Variants in LRRK2 observed in about 807,000 individuals in gnomAD.
LRRK2 encodes leucine-rich repeat serine/threonine-protein kinase 2.
A neutral mutation model predicts 302.6 loss-of-function variants in LRRK2; 203 were observed. The ratio of observed to expected loss-of-function variants is 0.67; its 90% CI spans 0.60 to 0.75. The LOEUF is 0.75. LRRK2 is among the 30% of genes least tolerant of loss of function. The pLI, the probability that LRRK2 is intolerant of heterozygous loss-of-function variation, is 0.00. For synonymous variants in LRRK2, 1,066 were observed against 1,031.9 expected (o/e 1.03, Z -0.63); for missense variants, 2,830 against 2,951.0 (o/e 0.96, Z 0.95).
chr12:40,335,931 C>T (rs1304704877), intron 40 of LRRK2, among the ~76,000 whole-genome samples: 1 of 152,170 alleles, frequency 6.6e-6, no homozygotes, highest in African/African-American at 2.4e-5. Flanking sequence ...CTTTTCAGCT[C>T]TGCCACCAAA....
intron 42 of LRRK2, among the ~76,000 whole-genome samples, chr12:40,347,615 A>G (rs1946230608): frequency 6.6e-6 from 1 of 152,312 alleles, no homozygotes; most frequent in South Asian, 2.1e-4. Flanking sequence ...AATTGGATAA[A>G]CCTTAGATAT....
At chr12:40,299,070 T>C (rs775001556) in intron 24 of LRRK2, 39 bp from the exon 25 acceptor site, 1 of 1,600,546 alleles carries the variant, frequency 6.2e-7, no homozygotes, top group Admixed American at 1.7e-5. Context: ...AGCATATGAA[T>C]TTATGCAATT....
chr12:40,259,373 C>A (rs1942669036), intron 12 of LRRK2, 107 bp from the exon 13 acceptor site: 2 of 1,376,106 alleles, frequency 1.5e-6, no homozygotes, highest in African/African-American at 1.4e-5. Flanking sequence ...TATAGTCTTT[C>A]CTGATAAAAT....
chr12:40,304,041 C>T lies in LRRK2; in HGVS notation c.3684C>T (p.Ser1228=), dbSNP rs1387101274. 2.5e-6 allele frequency: 4 copies of T among 1,613,478 alleles called. No individual in the cohort carries two copies. The highest frequency in any genetic ancestry group is 1.3e-5 in the African/African-American group (1 of 74,872). ...TGAACTTAAGGGAACTCTTATTTAGCCATAATCAGATCAGCATCTTGGACT... is the reference window on the plus strand; with the variant it reads ...TGAACTTAAGGGAACTCTTATTTAGTCATAATCAGATCAGCATCTTGGACT... ...KSLNLRELLF[S]HNQISILDLS... is the part of the protein sequence containing the mutation. The change falls in exon 27 of 51, where the codon AGC becomes AGT. Residue 1228 remains serine (S), a synonymous_variant. Coordinates refer to ENST00000298910, the MANE Select transcript of LRRK2 (RefSeq NM_198578.4).
chr12:40,364,378 A>G (rs971482071), intron 48 of LRRK2, among the ~76,000 whole-genome samples: 4 of 151,912 alleles, frequency 2.6e-5, no homozygotes, highest in Non-Finnish European at 5.9e-5. Flanking sequence ...TGGACACTTC[A>G]TTTTTGTCAT....
At chr12:40,259,371 T>C (rs772479221) in intron 12 of LRRK2, 109 bp from the exon 13 acceptor site, 223 of 1,368,162 alleles carry the variant, frequency 1.6e-4, no homozygotes, top group Admixed American at 1.5e-3. Context: ...CATATAGTCT[T>C]TCCTGATAAA....
At position 40,232,380 on chromosome 12, in the gene LRRK2, A is replaced by G; in HGVS notation, c.344A>G (p.His115Arg). The change falls in exon 3 of 51, where the codon CAC becomes CGC. Residue 115 changes from histidine (H) to arginine (R), a missense_variant. By Grantham distance (29) the His-to-Arg change is conservative. Around this residue, in one of 3 missense-constraint regions of LRRK2, gnomAD observed 2,121 missense variants for 2,148.0 expected, o/e 0.99. Coordinates refer to ENST00000298910, the MANE Select transcript of LRRK2 (RefSeq NM_198578.4). ...AATGATTGGGAAGTCCTTGGTGTTC[A>G]CCAGTAAGTATGATAGATATGTAAA... ...VGNDWEVLGVHQLILKMLTVH... is the reference protein window; with the variant it reads ...VGNDWEVLGVRQLILKMLTVH... The G allele has an allele frequency of 1.2e-6, 2 of 1,608,706 alleles. No individual in the cohort carries two copies. The highest frequency in any genetic ancestry group is 2.2e-5 in the East Asian group (1 of 44,842).
intron 20 of LRRK2, among the ~76,000 whole-genome samples, chr12:40,291,789 T>C (rs1429604605): frequency 6.6e-6 from 1 of 152,062 alleles, no homozygotes; most frequent in Non-Finnish European, 1.5e-5. Flanking sequence ...TTATTGTATT[T>C]GATAGAGAAA....
intron 7 of LRRK2, among the ~76,000 whole-genome samples, chr12:40,246,299 A>G (rs1592153846): frequency 6.6e-6 from 1 of 152,014 alleles, no homozygotes; most frequent in Admixed American, 6.6e-5. Flanking sequence ...AAATACATCT[A>G]CAGGTTTTCT....
intron 14 of LRRK2, among the ~76,000 whole-genome samples, chr12:40,268,382 T>C (rs1438873721): frequency 6.6e-6 from 1 of 152,142 alleles, no homozygotes; most frequent in African/African-American, 2.4e-5. Context: ...TGTATTGATT[T>C]CAGTAGTCAA....
intron 13 of LRRK2, among the ~76,000 whole-genome samples, chr12:40,262,612 G>A (rs1942824910): frequency 6.6e-6 from 1 of 152,150 alleles, no homozygotes. Flanking sequence ...GGACTGTTAT[G>A]TAGAAAGGAA....
intron 39 of LRRK2, among the ~76,000 whole-genome samples, chr12:40,329,335 C>T (rs1945642105): frequency 6.6e-6 from 1 of 152,208 alleles, no homozygotes; most frequent in African/African-American, 2.4e-5. Flanking sequence ...ACAGCATGGA[C>T]TGACTCCTTG....
chr12:40,346,088 C>A (rs1449908333), intron 41 of LRRK2, among the ~76,000 whole-genome samples: 5 of 151,836 alleles, frequency 3.3e-5, no homozygotes, highest in Non-Finnish European at 7.4e-5. Flanking sequence ...TGAAATCACT[C>A]TTTTTTTCTG....
At chr12:40,356,639 G>T (rs1472490793) in intron 46 of LRRK2, among the ~76,000 whole-genome samples, 1 of 151,842 alleles carries the variant, frequency 6.6e-6, no homozygotes, top group Non-Finnish European at 1.5e-5. Flanking sequence ...ATTCATCTTT[G>T]GTTCCATCTA....
At chr12:40,263,079 C>A (rs1219752333) in intron 13 of LRRK2, among the ~76,000 whole-genome samples, 1 of 152,102 alleles carries the variant, frequency 6.6e-6, no homozygotes, top group Non-Finnish European at 1.5e-5. Context: ...TGCATTAATG[C>A]AGATTATTAA....
chr12:40,235,544 T>C, intron 3 of LRRK2, 82 bp from the exon 4 acceptor site: 1 of 877,836 alleles, frequency 1.1e-6, no homozygotes, highest in Non-Finnish European at 1.9e-6. Context: ...TAATAAAAAA[T>C]AGGTGAGCAA....
rs199812220 is a variant in LRRK2, at chr12:40,305,925, T to G, written c.3918T>G (p.Phe1306Leu). The change falls in exon 28 of 51, where the codon TTT (phenylalanine) becomes TTG (leucine). Residue 1306 changes from phenylalanine to leucine, a missense_variant. By Grantham distance (22) the Phe-to-Leu change is conservative. Transcript: ENST00000298910. ...CTTTGGATGAACTGCATCTTAACTTTGATTTTAAACATATAGGATGTAAAG... is the reference window on the plus strand; with the variant it reads ...CTTTGGATGAACTGCATCTTAACTTGGATTTTAAACATATAGGATGTAAAG... ...DLPLDELHLNFDFKHIGCKAK... is the reference protein window; with the variant it reads ...DLPLDELHLNLDFKHIGCKAK... 6.2e-6 allele frequency: 10 copies of G among 1,612,504 alleles called. No homozygotes were observed. In the African/African-American group the frequency reaches 1.3e-4, roughly 22 times the overall value.
intron 44 of LRRK2, among the ~76,000 whole-genome samples, chr12:40,352,962 A>G (rs1946402507): frequency 6.6e-6 from 1 of 152,348 alleles, no homozygotes; most frequent in East Asian, 1.9e-4. Flanking sequence ...CCTGTTCTCA[A>G]TGAGCTGCTG....
In LRRK2 at chr12:40,252,919, T is replaced by C; in HGVS notation, c.1191T>C (p.Ala397=). 6.2e-7 allele frequency: 1 copy of C among 1,612,600 alleles called. No individual in the cohort carries two copies. Among genetic ancestry groups the C allele is most frequent in the Non-Finnish European group, 8.5e-7 (1 of 1,178,832 alleles). Residue 397 remains alanine (A), a synonymous_variant, in exon 11 of 51, where the codon GCT becomes GCC. Coordinates refer to ENST00000298910, the MANE Select transcript of LRRK2 (RefSeq NM_198578.4). ...TTTGAATTTTTGAAAGTTTCCCAGCTCATAGGGAAGTGATGCTCTCCATGC... is the reference window on the plus strand; with the variant it reads ...TTTGAATTTTTGAAAGTTTCCCAGCCCATAGGGAAGTGATGCTCTCCATGC... ...KIGDEDGHFP[A]HREVMLSMLM...
Sources: allele counts gnomAD v4.1 joint callset (sites outside exome capture counted in the v4.1 genomes callset), GRCh38; gene constraint gnomAD v4.1.1; regional missense constraint gnomAD v4.1.1; transcripts MANE v1.5; gene names NCBI Gene and HGNC (gene_info 2026-07-23, HGNC 2026-07-21).